The following GNPTAB variants were observed in gnomAD, a reference collection of about 807,000 sequenced individuals.
GNPTAB encodes the protein N-acetylglucosamine-1-phosphotransferase subunits alpha/beta.
Under a neutral mutation model 136.6 loss-of-function variants are expected in GNPTAB, and 92 were observed. That is an observed-to-expected ratio of 0.67 (90% CI 0.57 to 0.80). The LOEUF (loss-of-function observed/expected upper bound fraction) is 0.80, where lower values mean the gene tolerates loss of function less well. Ranked by LOEUF, GNPTAB falls within the 30% of genes least tolerant of loss-of-function variation. The probability of loss-of-function intolerance (pLI) is 0.00; values close to 1 mark genes in which losing one functional copy is unlikely to be tolerated. For missense variants in GNPTAB, 1,343 were observed against 1,501.8 expected, an observed-to-expected ratio of 0.89 and a Z score of 1.75; for synonymous variants, 512 against 535.1, an observed-to-expected ratio of 0.96 and a Z score of 0.60.
chr12:101,770,496 T>C lies in GNPTAB; in HGVS notation c.1023A>G (p.Pro341=), dbSNP rs750876420. The change falls in exon 9 of 21, where the codon CCA becomes CCG. Residue 341 remains proline (P), a synonymous_variant. Coordinates refer to ENST00000299314, the MANE Select transcript of GNPTAB (RefSeq NM_024312.5). ...YSLRSIERHA[P]WVRNIFIVTN... ...TGACAATGAAAATATTCCGAACCCA[T>C]GGTGCATGCCTCTCGATAGATCGCA... is the stretch of plus-strand genomic sequence containing the variant. 31 of 1,613,270 alleles carry C rather than the reference T, an allele frequency of 1.9e-5. No homozygotes were observed. The highest frequency in any genetic ancestry group is 2.3e-5 in the Non-Finnish European group (27 of 1,179,282).
chr12:101,800,529 A>C (rs2137163496), intron 1 of GNPTAB, among the ~76,000 whole-genome samples: 1 of 142,836 alleles, frequency 7.0e-6, no homozygotes, highest in East Asian at 2.2e-4. Flanking sequence ...GAGGTCGTGG[A>C]GGGAGGATCA....
Position 101,830,846 on chromosome 12 carries a change from C to G in GNPTAB, c.-171G>C, listed in dbSNP as rs1462393899. 4 of 169,702 alleles carry G rather than the reference C, an allele frequency of 2.4e-5. No individual in the cohort carries two copies. The highest frequency in any genetic ancestry group is 1.3e-4 in the Admixed American group (2 of 15,398). The allele number at this position is 169,702 out of a possible 1,614,324, so 10.5% of individuals were successfully genotyped here. On this transcript the variant is annotated 5_prime_UTR_variant, in exon 1 of 21. Transcript: ENST00000299314. Reference sequence around the variant, plus strand: ...GACGGACGCCCGCTCGGCTCCGCGCCGCGGCCGCCGCTTCCGGGAGCCGGG... The same window carrying G: ...GACGGACGCCCGCTCGGCTCCGCGCGGCGGCCGCCGCTTCCGGGAGCCGGG...
intron 7 of GNPTAB, among the ~76,000 whole-genome samples, chr12:101,777,698 T>G (rs55829819): frequency 0.11 from 16,751 of 152,208 alleles, 986 homozygotes; most frequent in Middle Eastern, 0.2. Flanking sequence ...AGGTGTTTTG[T>G]TTGGTTGGGA....
chr12:101,830,617 A>C lies in GNPTAB; in HGVS notation c.59T>G (p.Leu20Arg), dbSNP rs769506610. ...TYTCLSHRYG[L>R]YVCFLGVVVT... ...AACGACGCCCAAGAAGCACACGTAG[A>C]GCCCATACCTGTGGGACAGGCAGGT... Residue 20 changes from leucine (L) to arginine (R), a missense_variant, in exon 1 of 21, where the codon CTC becomes CGC. By Grantham distance (102) the Leu-to-Arg change is moderately radical (BLOSUM62 -2). Coordinates refer to ENST00000299314, the MANE Select transcript of GNPTAB (RefSeq NM_024312.5). 26 of 1,613,116 alleles carry C rather than the reference A, an allele frequency of 1.6e-5. No homozygotes were observed. The Admixed American group carries it at 4.2e-4, about 26-fold the overall frequency.
chr12:101,829,438 T>G (rs1436584580), intron 1 of GNPTAB, among the ~76,000 whole-genome samples: 1 of 152,154 alleles, frequency 6.6e-6, no homozygotes, highest in African/African-American at 2.4e-5. Flanking sequence ...TGAGCCGAGA[T>G]GGAGCCACTG....
chr12:101,771,666 A>G (rs1311874428), intron 7 of GNPTAB, among the ~76,000 whole-genome samples: 1 of 152,242 alleles, frequency 6.6e-6, no homozygotes, highest in Non-Finnish European at 1.5e-5. Context: ...AGGAATGGTA[A>G]AGGCAGTGGC....
chr12:101,770,861 T>G (rs1437075483), intron 8 of GNPTAB, 135 bp downstream of exon 8: 6 of 906,932 alleles, frequency 6.6e-6, no homozygotes, highest in Non-Finnish European at 1.1e-5. Context: ...CCAATGGCAG[T>G]GACTGAAAAA....
At position 101,796,743 on chromosome 12, in the gene GNPTAB, C is replaced by T. The variant is rs117566084; in HGVS notation, c.137G>A (p.Arg46Gln). 11,490 of 1,611,994 alleles carry T rather than the reference C, an allele frequency of 7.1e-3. 60 individuals carry two copies. The highest frequency in any genetic ancestry group is 9.3e-3 in the Non-Finnish European group (10,920 of 1,178,380). ...QFGEVVLEWS[R>Q]DQYHVLFDSY... Reference sequence around the variant, plus strand: ...ATCAAACAAAACATGGTATTGATCTCGGCTCCATTCCAGAACCACCTAGAA... The same window carrying T: ...ATCAAACAAAACATGGTATTGATCTTGGCTCCATTCCAGAACCACCTAGAA... The change falls in exon 2 of 21, where the codon CGA becomes CAA. Residue 46 changes from arginine to glutamine, a missense_variant. Coordinates refer to ENST00000299314, the MANE Select transcript of GNPTAB (RefSeq NM_024312.5).
intron 1 of GNPTAB, among the ~76,000 whole-genome samples, chr12:101,818,637 A>G (rs982290040): frequency 2.6e-5 from 4 of 152,168 alleles, no homozygotes; most frequent in Admixed American, 1.3e-4. Flanking sequence ...TCAGACTCCC[A>G]AAGTGTTGGG....
chr12:101,787,688 C>T (rs1041823942), intron 4 of GNPTAB, among the ~76,000 whole-genome samples: 154 of 152,034 alleles, frequency 1.0e-3, no homozygotes, highest in African/African-American at 3.3e-3. Context: ...CCGAGGCGGG[C>T]GGATCACCTG....
intron 1 of GNPTAB, among the ~76,000 whole-genome samples, chr12:101,824,405 CATATATAT>C (rs373112951): frequency 0.22 from 10,332 of 47,796 alleles, 940 homozygotes; most frequent in South Asian, 0.35. Flanking sequence ...GAAATTTCAC[CATATATAT>C]ATATATATAT....
intron 1 of GNPTAB, among the ~76,000 whole-genome samples, chr12:101,817,876 G>T (rs1870585637): frequency 6.6e-6 from 1 of 152,132 alleles, no homozygotes; most frequent in South Asian, 2.1e-4. Flanking sequence ...CCTGTTGCCC[G>T]TTTTCCCCCA....
intron 5 of GNPTAB, chr12:101,785,461 T>A (rs966150810): frequency 6.5e-6 from 1 of 153,664 alleles, no homozygotes; most frequent in African/African-American, 2.4e-5. Context: ...GCTCAAGCAA[T>A]CCTTCTTAGT....
In GNPTAB at chr12:101,749,209, A is replaced by T; in HGVS notation, c.3603-18T>A. On this transcript the variant is annotated intron_variant, in intron 19 of 20. Transcript: ENST00000299314. ...AAGCCCTCCTGTGCAGAGAGAAGAA[A>T]GCAACTATGTACTTCTGTATATGGT... The T allele has an allele frequency of 6.9e-7, 1 of 1,447,926 alleles. No homozygotes were observed. The highest frequency in any genetic ancestry group is 1.1e-5 in the South Asian group (1 of 87,732). The allele number at this position is 1,447,926 out of a possible 1,614,324, so 89.7% of individuals were successfully genotyped here.
In GNPTAB at chr12:101,757,237, A is replaced by G. The variant is rs548910758; in HGVS notation, c.3409T>C (p.Leu1137=). Residue 1137 remains leucine, a synonymous_variant, in exon 18 of 21, where the codon TTG becomes CTG. Coordinates refer to ENST00000299314, the MANE Select transcript of GNPTAB (RefSeq NM_024312.5). ...RTNVSHVVGQ[L]DDIRKNPRKF... The stretch of plus-strand genomic sequence containing the variant: ...CTAGGGTTTTTTCTTATGTCATCCA[A>G]CTGGCCAACCACATGAGAAACGTTG... 1.9e-6 allele frequency: 3 copies of G among 1,604,022 alleles called. No individual in the cohort carries two copies. The highest frequency in any genetic ancestry group is 1.3e-5 in the African/African-American group (1 of 74,828).
chr12:101,771,608 A>G (rs1594220537), intron 7 of GNPTAB, among the ~76,000 whole-genome samples: 1 of 152,318 alleles, frequency 6.6e-6, no homozygotes, highest in East Asian at 1.9e-4. Context: ...CACAGACCAG[A>G]TGCATTTCCC....
At chr12:101,830,019 A>G (rs553817002) in intron 1 of GNPTAB, among the ~76,000 whole-genome samples, 51 of 151,168 alleles carry the variant, frequency 3.4e-4, no homozygotes, top group Non-Finnish European at 6.0e-4. Context: ...AAAAAAAAAA[A>G]AAAGAAAAAG....
In GNPTAB at chr12:101,764,358, T is replaced by G. The variant is rs754863486; in HGVS notation, c.2559A>C (p.Thr853=). ...TTCTACTGTTCTCTTTTTCTTTCCCTGTGATTTTCTTTTCTTTTGTCATCT... is the reference window on the plus strand; with the variant it reads ...TTCTACTGTTCTCTTTTTCTTTCCCGGTGATTTTCTTTTCTTTTGTCATCT... ...ESQMTKEKKI[T]GKEKENSRME... Residue 853 remains threonine (T), a synonymous_variant, in exon 13 of 21, where the codon ACA becomes ACC. Transcript: ENST00000299314. 6.2e-5 allele frequency: 100 copies of G among 1,613,956 alleles called. No homozygotes were observed. The highest frequency in any genetic ancestry group is 8.4e-5 in the Non-Finnish European group (99 of 1,180,006).
intron 10 of GNPTAB, 130 bp from the exon 11 acceptor site, chr12:101,768,290 TCA>T: frequency 2.1e-6 from 2 of 974,672 alleles, no homozygotes; most frequent in South Asian, 1.5e-5. Flanking sequence ...GGCTCAGCGT[TCA>T]CACTCACAAG....
Sources: allele counts gnomAD v4.1 joint callset (sites outside exome capture counted in the v4.1 genomes callset), GRCh38; gene constraint gnomAD v4.1.1; transcripts MANE v1.5; gene names NCBI Gene and HGNC (gene_info 2026-07-23, HGNC 2026-07-21).